PCDHGB5: variants seen among roughly 807,000 people sequenced by gnomAD.
The protein encoded by PCDHGB5 is protocadherin gamma subfamily B, 5, also known as protocadherin gamma-B5.
PCDHGB5 carries 48 observed loss-of-function variants against 62.9 expected under a neutral mutation model. The ratio of observed to expected loss-of-function variants is 0.76; its 90% CI spans 0.61 to 0.97. The LOEUF is 0.97. Ranked by LOEUF, PCDHGB5 falls within the 50% of genes least tolerant of loss-of-function variation. The probability of loss-of-function intolerance (pLI) is 0.00; values close to 1 mark genes in which losing one functional copy is unlikely to be tolerated. For missense variants in PCDHGB5, 1,118 were observed against 1,198.6 expected, an observed-to-expected ratio of 0.93 and a Z score of 0.99; for synonymous variants, 474 against 511.2, an observed-to-expected ratio of 0.93 and a Z score of 0.98.
At chr5:141,462,144 G>A (rs984269848) in intron 1 of PCDHGB5, among the ~76,000 whole-genome samples, 1 of 152,042 alleles carries the variant, frequency 6.6e-6, no homozygotes, top group South Asian at 2.1e-4. Context: ...ATTTTTAGTA[G>A]AGATGGGGTT....
At chr5:141,400,637 C>T (rs1198861683) in intron 1 of PCDHGB5, 113 bp downstream of exon 1, 1 of 1,324,714 alleles carries the variant, frequency 7.5e-7, no homozygotes, top group Non-Finnish European at 1.1e-6. Flanking sequence ...GTCAGAGCTG[C>T]TCAGAAAGCT....
chr5:141,486,745 C>T lies in PCDHGB5; in HGVS notation c.2398-8062C>T, dbSNP rs1167986336. On this transcript the variant is annotated intron_variant, in intron 1 of 3. Coordinates refer to ENST00000617380, the MANE Select transcript of PCDHGB5 (RefSeq NM_018925.3). This position sits in a 1 kb window ranked among gnomAD's most constrained non-coding sequence, Gnocchi z 5.0. ...CTGTTCATGCTACTCGATCCTTTGA[C>T]TATGAGCAAACCCAGACACTGCAGT... 3.1e-6 allele frequency: 5 copies of T among 1,614,226 alleles called. No homozygotes were observed. The highest frequency in any genetic ancestry group is 3.4e-6 in the Non-Finnish European group (4 of 1,180,044).
chr5:141,465,385 C>T (rs752724696), intron 1 of PCDHGB5, among the ~76,000 whole-genome samples: 3 of 151,978 alleles, frequency 2.0e-5, no homozygotes, highest in Admixed American at 6.6e-5. Context: ...AGATTAGGAA[C>T]AAAAACAAGT....
At chr5:141,405,370 G>C in intron 1 of PCDHGB5, 1 of 1,606,236 alleles carries the variant, frequency 6.2e-7, no homozygotes, top group Non-Finnish European at 8.5e-7. Flanking sequence ...ACACCCCTTT[G>C]GTTCCGGTGA....
chr5:141,403,438 T>G (rs759998240), intron 1 of PCDHGB5: 12 of 1,614,054 alleles, frequency 7.4e-6, no homozygotes, highest in Non-Finnish European at 8.5e-6. Flanking sequence ...ATCCGGATGT[T>G]GGCGTGAACT....
chr5:141,504,379 G>T (rs181617363), intron 2 of PCDHGB5, among the ~76,000 whole-genome samples: 1 of 152,088 alleles, frequency 6.6e-6, no homozygotes, highest in African/African-American at 2.4e-5. Context: ...AGGTGGAGTC[G>T]CTGCCTCACA....
rs1280755615 is a variant in PCDHGB5, at chr5:141,431,629, A to G, written c.2397+31105A>G. 1 of 1,614,246 alleles carries G rather than the reference A, an allele frequency of 6.2e-7. No individual in the cohort carries two copies. ...GGTATGTGGACGACAAGGCGGCCCA[A>G]GTTTTCAAACTAGATTGTAATTCAG... On this transcript the variant is annotated intron_variant, in intron 1 of 3. Transcript: ENST00000617380. The surrounding 1 kb of genome is among the most constrained non-coding windows in gnomAD (Gnocchi z 4.8).
chr5:141,507,196 CCAGAT>C (rs2099859095), intron 3 of PCDHGB5: 1 of 152,374 alleles, frequency 6.6e-6, no homozygotes, highest in Non-Finnish European at 1.5e-5. Context: ...CTTTATTCTT[CCAGAT>C]CAGGGTTGCC....
intron 1 of PCDHGB5, chr5:141,416,504 C>G (rs966090979): frequency 1.3e-5 from 2 of 152,040 alleles, no homozygotes; most frequent in African/African-American, 4.8e-5. Flanking sequence ...AGATATATGA[C>G]AAAGCTATTT....
intron 1 of PCDHGB5, among the ~76,000 whole-genome samples, chr5:141,472,402 G>A (rs569497172): frequency 8.5e-5 from 13 of 152,160 alleles, no homozygotes; most frequent in South Asian, 2.1e-4. Context: ...TTAGCCAGGC[G>A]TGGTGGCACG....
chr5:141,484,219 C>T (rs766309865), intron 1 of PCDHGB5, among the ~76,000 whole-genome samples: 1 of 152,162 alleles, frequency 6.6e-6, no homozygotes, highest in Non-Finnish European at 1.5e-5. Context: ...TAGCATTCTG[C>T]CAGGTAAAGA....
rs376661062 is a variant in PCDHGB5, at chr5:141,432,185, G to T, written c.2397+31661G>T. 6.2e-6 allele frequency: 10 copies of T among 1,613,956 alleles called. No individual in the cohort carries two copies. The highest frequency in any genetic ancestry group is 8.5e-6 in the Non-Finnish European group (10 of 1,180,030). ...AGGAGTTTCCCTCGTCTCTGTGACC[G>T]CCCACGACCCCGACTGTGAAGAGAA... On this transcript the variant is annotated intron_variant, in intron 1 of 3. Coordinates refer to ENST00000617380, the MANE Select transcript of PCDHGB5 (RefSeq NM_018925.3). The surrounding 1 kb of genome is among the most constrained non-coding windows in gnomAD (Gnocchi z 6.0).
At position 141,505,200 on chromosome 5, in the gene PCDHGB5, G is replaced by T. The variant is rs528060752; in HGVS notation, c.2457-193G>T. On this transcript the variant is annotated intron_variant, in intron 2 of 3. Transcript: ENST00000617380. ...AAAGCATCGGAGGCAGCAAAGAGCTGGTTTGAGGGACTGACTTGTGGGATT... is the reference window on the plus strand; with the variant it reads ...AAAGCATCGGAGGCAGCAAAGAGCTTGTTTGAGGGACTGACTTGTGGGATT... Among the ~76,000 whole-genome samples the T allele has an allele frequency of 6.6e-5, 10 of 152,244 alleles. No individual in the cohort carries two copies. The East Asian group carries it at 7.7e-4, about 12-fold the overall frequency.
At chr5:141,472,980 C>CAAAAAAA (rs60579131) in intron 1 of PCDHGB5, among the ~76,000 whole-genome samples, 1 of 86,102 alleles carries the variant, frequency 1.2e-5, no homozygotes, top group South Asian at 4.3e-4. Flanking sequence ...GAGTGAAACT[C>CAAAAAAA]AAAAAAAAAA....
At chr5:141,402,953 A>G in intron 1 of PCDHGB5, 3 of 1,597,298 alleles carry the variant, frequency 1.9e-6, no homozygotes, top group Middle Eastern at 1.7e-4. Context: ...CGAGGCAGCA[A>G]TGGCAGCTCC....
At chr5:141,473,283 A>G (rs2099318531) in intron 1 of PCDHGB5, among the ~76,000 whole-genome samples, 1 of 152,324 alleles carries the variant, frequency 6.6e-6, no homozygotes, top group Non-Finnish European at 1.5e-5. Flanking sequence ...TTATTTTACT[A>G]TGTCAGTAGC....
intron 1 of PCDHGB5, chr5:141,478,432 G>T (rs1238011675): frequency 6.2e-7 from 1 of 1,613,728 alleles, no homozygotes; most frequent in Admixed American, 1.7e-5. Context: ...GCGACCCGCT[G>T]CTGAAGAAAC....
intron 1 of PCDHGB5, chr5:141,419,088 T>G (rs2096325159): frequency 1.2e-6 from 2 of 1,613,940 alleles, no homozygotes; most frequent in Non-Finnish European, 1.7e-6. Flanking sequence ...GATGAGGCCC[T>G]GGATCGGGAG....
intron 1 of PCDHGB5, among the ~76,000 whole-genome samples, chr5:141,442,700 TA>T (rs2098337605): frequency 6.6e-6 from 1 of 152,198 alleles, no homozygotes; most frequent in Non-Finnish European, 1.5e-5. Flanking sequence ...CAGACAAGAG[TA>T]TCAGACATGC....
Sources: allele counts gnomAD v4.1 joint callset (sites outside exome capture counted in the v4.1 genomes callset), GRCh38; gene constraint gnomAD v4.1.1; non-coding constraint Gnocchi (gnomAD v3.1); transcripts MANE v1.5; gene names NCBI Gene and HGNC (gene_info 2026-07-23, HGNC 2026-07-21).